Variants in NUP155 observed in about 807,000 individuals in gnomAD.
The protein encoded by NUP155 is nuclear pore complex protein Nup155.
A neutral mutation model predicts 180.4 loss-of-function variants in NUP155; 71 were observed. The ratio of observed to expected loss-of-function variants is 0.39; its 90% CI spans 0.33 to 0.48. NUP155 has a LOEUF of 0.48. Among genes scored for constraint, NUP155 ranks in the 20% least tolerant of loss-of-function variants. NUP155 has a pLI of 0.91. For synonymous variants in NUP155, 582 were observed against 559.5 expected (o/e 1.04, Z -0.57); for missense variants, 1,553 against 1,648.9 (o/e 0.94, Z 1.01).
chr5:37,339,908 A>T (rs1448532247), intron 11 of NUP155, among the ~76,000 whole-genome samples: 2 of 152,022 alleles, frequency 1.3e-5, no homozygotes, highest in African/African-American at 4.8e-5. Context: ...GACTACAGAC[A>T]TGCCCCCTAC....
At chr5:37,363,850 C>T (rs1423141799) in intron 3 of NUP155, 38 bp downstream of exon 3, 19 of 1,327,006 alleles carry the variant, frequency 1.4e-5, no homozygotes, top group Non-Finnish European at 2.1e-5. Context: ...TATATAAATT[C>T]CAATCACCCT....
chr5:37,329,996 A>C, intron 15 of NUP155, 42 bp downstream of exon 15: 1 of 1,371,106 alleles, frequency 7.3e-7, no homozygotes, highest in Non-Finnish European at 1.0e-6. Flanking sequence ...AAAGTGGCCC[A>C]GTAAAAAAAC....
At chr5:37,342,857 C>T (rs1466975841) in intron 9 of NUP155, among the ~76,000 whole-genome samples, 1 of 152,064 alleles carries the variant, frequency 6.6e-6, no homozygotes, top group Non-Finnish European at 1.5e-5. Context: ...CTGCCTCAGC[C>T]TCCTGAGTAG....
chr5:37,329,253 A>G lies in NUP155; in HGVS notation c.1750T>C (p.Phe584Leu). 1 of 1,613,918 alleles carries G rather than the reference A, an allele frequency of 6.2e-7. No individual in the cohort carries two copies. The highest frequency in any genetic ancestry group is 8.5e-7 in the Non-Finnish European group (1 of 1,179,848). The change falls in exon 16 of 35, where the codon TTT becomes CTT. Residue 584 changes from phenylalanine to leucine, a missense_variant. Physicochemically the swap from Phe to Leu is conservative, Grantham distance 22. Transcript: ENST00000231498. ...FRYGGEAQMR[F>L]PTTLPPPSNV... ...CTTGGAGGCGGAAGAGTGGTTGGAAATCTCATCTGTGCTTCACCACCATAC... is the reference window on the plus strand; with the variant it reads ...CTTGGAGGCGGAAGAGTGGTTGGAAGTCTCATCTGTGCTTCACCACCATAC...
intron 3 of NUP155, among the ~76,000 whole-genome samples, chr5:37,362,634 TG>T (rs1432917360): frequency 1.3e-5 from 2 of 152,192 alleles, no homozygotes; most frequent in African/African-American, 2.4e-5. Flanking sequence ...TTATCTGTTC[TG>T]TAATATTTTT....
At chr5:37,313,723 G>C (rs1164914486) in intron 22 of NUP155, among the ~76,000 whole-genome samples, 2 of 152,068 alleles carry the variant, frequency 1.3e-5, no homozygotes, top group Admixed American at 1.3e-4. Context: ...GGATAGTCTT[G>C]AATTCCTAGG....
At chr5:37,292,773 C>G (rs1334074415) in intron 34 of NUP155, 106 bp downstream of exon 34, 1 of 738,190 alleles carries the variant, frequency 1.4e-6, no homozygotes, top group African/African-American at 1.7e-5. Context: ...ATAGTTATTG[C>G]TAATATACAC....
intron 33 of NUP155, among the ~76,000 whole-genome samples, chr5:37,294,005 CAAAAAA>C (rs70976294): frequency 1.6e-4 from 6 of 37,258 alleles, no homozygotes; most frequent in South Asian, 9.0e-4. Flanking sequence ...GACGCCGTCT[CAAAAAA>C]AAAAAAAAAA....
At chr5:37,312,641 G>T (rs1284944355) in intron 22 of NUP155, among the ~76,000 whole-genome samples, 2 of 152,124 alleles carry the variant, frequency 1.3e-5, no homozygotes, top group Non-Finnish European at 2.9e-5. Context: ...CAGCCTAGGA[G>T]ATACGGTGAA....
At chr5:37,319,354 C>A (rs1412661790) in intron 20 of NUP155, among the ~76,000 whole-genome samples, 1 of 152,048 alleles carries the variant, frequency 6.6e-6, no homozygotes. Flanking sequence ...TAAAGTAGAT[C>A]TCAAAAATCT....
chr5:37,306,671 T>C (rs1743174068), intron 25 of NUP155, among the ~76,000 whole-genome samples: 1 of 151,924 alleles, frequency 6.6e-6, no homozygotes, highest in Non-Finnish European at 1.5e-5. Flanking sequence ...TTCACTATGA[T>C]GGCCAGGCTG....
intron 24 of NUP155, 62 bp from the exon 25 acceptor site, chr5:37,307,494 T>C: frequency 2.0e-6 from 3 of 1,480,150 alleles, no homozygotes; most frequent in Non-Finnish European, 2.8e-6. Flanking sequence ...CATTTTTCCT[T>C]AGCTGGCACA....
chr5:37,331,768 G>T lies in NUP155; in HGVS notation c.1546C>A (p.Pro516Thr). 1 of 1,610,450 alleles carries T rather than the reference G, an allele frequency of 6.2e-7. No homozygotes were observed. The highest frequency in any genetic ancestry group is 2.2e-5 in the East Asian group (1 of 44,840). ...AGTAGATGCCTCAGTTGATCTACAG[G>T]TCTAAGTTTATGAAACATAAGGCTC... is the stretch of plus-strand genomic sequence containing the variant. ...QGSLMFHKLR[P>T]VDQLRHLLVS... The change falls in exon 14 of 35, where the codon CCT (proline) becomes ACT (threonine). Residue 516 changes from proline (P) to threonine (T), a missense_variant. Pro to Thr is a conservative substitution (Grantham distance 38). Coordinates refer to ENST00000231498, the MANE Select transcript of NUP155 (RefSeq NM_153485.3).
At chr5:37,329,912 G>C (rs2150965606) in intron 15 of NUP155, 126 bp downstream of exon 15, 1 of 698,700 alleles carries the variant, frequency 1.4e-6, no homozygotes, top group Non-Finnish European at 2.6e-6. Context: ...TTTTGCAAAT[G>C]AATTTTGGTA....
chr5:37,300,755 A>C (rs1312068179), intron 30 of NUP155, among the ~76,000 whole-genome samples: 2 of 152,014 alleles, frequency 1.3e-5, no homozygotes, highest in African/African-American at 4.8e-5. Context: ...CTCCTGGGCT[A>C]AATCAATCCT....
intron 18 of NUP155, 104 bp from the exon 19 acceptor site, chr5:37,326,071 T>C (rs1744583881): frequency 7.3e-6 from 6 of 826,248 alleles, no homozygotes; most frequent in Non-Finnish European, 1.2e-5. Flanking sequence ...TTTTTAAAAC[T>C]TGCAGTGGTT....
intron 10 of NUP155, chr5:37,342,281 A>T: frequency 2.8e-6 from 1 of 353,752 alleles, no homozygotes; most frequent in Non-Finnish European, 5.3e-6. Context: ...TCCTGGGCTC[A>T]GGCAATCTGC....
At chr5:37,305,346 A>C (rs1743094791) in intron 25 of NUP155, 136 bp from the exon 26 acceptor site, 5 of 742,244 alleles carry the variant, frequency 6.7e-6, no homozygotes, top group Non-Finnish European at 9.3e-6. Flanking sequence ...GGAGTTCAAG[A>C]CTAGCCAGGG....
rs139315937 is a variant in NUP155 at position 37,299,161 on chromosome 5, T to C, written c.3683-183A>G. On this transcript the variant is annotated intron_variant, in intron 31 of 34. Transcript: ENST00000231498. ...ACTCTCATGTCTTACCAGGTTATACTGGTTATTAGATTCTGAGGTGAGTGT... is the reference window on the plus strand; with the variant it reads ...ACTCTCATGTCTTACCAGGTTATACCGGTTATTAGATTCTGAGGTGAGTGT... Among the ~76,000 whole-genome samples the C allele has an allele frequency of 8.6e-4, 131 of 152,352 alleles. 1 individual carries two copies. The East Asian group carries it at 0.015, about 17-fold the overall frequency.
Sources: allele counts gnomAD v4.1 joint callset (sites outside exome capture counted in the v4.1 genomes callset), GRCh38; gene constraint gnomAD v4.1.1; transcripts MANE v1.5; gene names NCBI Gene and HGNC (gene_info 2026-07-23, HGNC 2026-07-21).